The following ARSH variants were observed in gnomAD, a reference collection of about 807,000 sequenced individuals.
The protein encoded by ARSH is arylsulfatase family member H.
A neutral mutation model predicts 28.7 loss-of-function variants in ARSH; 32 were observed. That is an observed-to-expected ratio of 1.11 (90% CI 0.84 to 1.50). ARSH has a LOEUF of 1.50. Ranked by LOEUF, ARSH falls within the 40% of genes most tolerant of loss-of-function variation. The pLI is 0.00. For missense variants in ARSH, 440 were observed against 452.4 expected (o/e 0.97, Z 0.25); for synonymous variants, 176 against 177.3 (o/e 0.99, Z 0.06).
At chrX:3,018,898 CT>C (rs2089873382) in intron 5 of ARSH, among the ~76,000 whole-genome samples, 2 of 111,933 alleles carry the variant, frequency 1.8e-5, no homozygotes, top group South Asian at 7.4e-4. Context: ...GTTTTCCCAT[CT>C]TTAAAATAAA....
intron 4 of ARSH, 94 bp downstream of exon 4, chrX:3,015,487 G>A (rs2089863698): frequency 1.1e-6 from 1 of 891,713 alleles, no homozygotes; most frequent in Non-Finnish European, 1.5e-6. Context: ...GCCTTTAAAA[G>A]TCTCTTGGAG....
intron 1 of ARSH, among the ~76,000 whole-genome samples, chrX:3,008,935 T>C (rs538626754): frequency 1.4e-3 from 158 of 110,895 alleles, no homozygotes; most frequent in Admixed American, 2.4e-3. Context: ...GGATCAAGAT[T>C]GGATATGGTT....
intron 7 of ARSH, 23 bp from the exon 8 acceptor site, chrX:3,029,224 T>TAC (rs772760562): frequency 5.7e-5 from 69 of 1,201,187 alleles, no homozygotes; most frequent in African/African-American, 4.9e-4. Context: ...CATCACCTTC[T>TAC]ACACACCCCC....
chrX:3,022,728 CATTA>C (rs926078709), intron 5 of ARSH, among the ~76,000 whole-genome samples: 9 of 111,693 alleles, frequency 8.1e-5, no homozygotes. Flanking sequence ...TCTAGCGCAG[CATTA>C]ATTGTCATTA....
intron 2 of ARSH, among the ~76,000 whole-genome samples, chrX:3,012,581 A>AT (rs1555914102): frequency 4.8e-5 from 1 of 21,049 alleles, no homozygotes; most frequent in Non-Finnish European, 8.2e-5. Flanking sequence ...ATATATATAT[A>AT]TATATATATA....
intron 7 of ARSH, 119 bp from the exon 8 acceptor site, chrX:3,029,128 C>G: frequency 2.6e-6 from 2 of 782,948 alleles, no homozygotes; most frequent in Non-Finnish European, 3.5e-6. Flanking sequence ...CTTTCGCCTC[C>G]TTCTCTTCCT....
At chrX:3,009,979 G>A (rs2089841747) in intron 1 of ARSH, 51 bp from the exon 2 acceptor site, 2 of 1,186,589 alleles carry the variant, frequency 1.7e-6, no homozygotes, top group African/African-American at 1.8e-5. Context: ...CTTGATCATT[G>A]TATTGAGAAT....
intron 8 of ARSH, among the ~76,000 whole-genome samples, chrX:3,031,310 C>T (rs758748769): frequency 3.6e-5 from 4 of 111,762 alleles, no homozygotes; most frequent in East Asian, 2.8e-4. Flanking sequence ...ATTCTAGCAA[C>T]GAGGAGTAAA....
chrX:3,021,213 G>C (rs1009860435), intron 5 of ARSH, among the ~76,000 whole-genome samples: 10 of 110,245 alleles, frequency 9.1e-5, no homozygotes, highest in African/African-American at 3.3e-4. Flanking sequence ...CTTAGTCAAA[G>C]GACAGTTTCC....
chrX:3,010,287 C>T (rs1274965593), intron 2 of ARSH, 136 bp downstream of exon 2: 7 of 817,676 alleles, frequency 8.6e-6, no homozygotes, highest in Non-Finnish European at 1.2e-5. Flanking sequence ...TGGTTGTTAT[C>T]CCTGGGCAGC....
rs1264668563 is a variant in ARSH at position 3,010,167 on chromosome X, G to C, written c.214+16G>C. On this transcript the variant is annotated intron_variant, in intron 2 of 8. Transcript: ENST00000381130. Reference sequence around the variant, plus strand: ...ATCAGATCAGGTGAGGCAATAAAAAGGCAGCAACATTTCAGTCTCACCAGA... The same window carrying C: ...ATCAGATCAGGTGAGGCAATAAAAACGCAGCAACATTTCAGTCTCACCAGA... 3.3e-6 allele frequency: 4 copies of C among 1,203,621 alleles called. No individual in the cohort carries two copies. In the East Asian group the frequency reaches 8.9e-5, roughly 27 times the overall value.
Position 3,006,665 on chromosome X carries a change from G to A in ARSH, c.53G>A (p.Gly18Glu), listed in dbSNP as rs1223568114. Residue 18 changes from glycine to glutamate, a missense_variant, in exon 1 of 9, where the codon GGA becomes GAA. Transcript: ENST00000381130. Reference protein sequence around the residue: ...NIVLLMADDLGVGDLCCYGNN... With the variant: ...NIVLLMADDLEVGDLCCYGNN... ...GTCCTGCTGATGGCAGATGACCTTG[G>A]AGTGGGGGATTTGTGCTGCTACGGT... The A allele has an allele frequency of 8.3e-7, 1 of 1,211,330 alleles. No individual in the cohort carries two copies. The highest frequency in any genetic ancestry group is 1.1e-6 in the Non-Finnish European group (1 of 895,323).
In ARSH at chrX:3,033,001, T is replaced by G. The variant is rs777848373; in HGVS notation, c.1322-17T>G. On this transcript the variant is annotated splice_polypyrimidine_tract_variant and intron_variant, in intron 8 of 8. Transcript: ENST00000381130. ...ACCACAAAGATGGTATCATACATAA[T>G]GCAACTTGTTTTTTAGGTGCAACTG... The G allele has an allele frequency of 8.4e-7, 1 of 1,196,099 alleles. No individual in the cohort carries two copies. The highest frequency in any genetic ancestry group is 1.1e-6 in the Non-Finnish European group (1 of 887,123).
chrX:3,018,470 C>T, intron 4 of ARSH, 64 bp from the exon 5 acceptor site: 1 of 1,127,510 alleles, frequency 8.9e-7, no homozygotes, highest in Non-Finnish European at 1.2e-6. Context: ...TGCAGAATCG[C>T]ATTTAAATGA....
At chrX:3,030,672 C>T (rs982948030) in intron 8 of ARSH, among the ~76,000 whole-genome samples, 4 of 111,686 alleles carry the variant, frequency 3.6e-5, no homozygotes, top group African/African-American at 1.3e-4. Context: ...ACCATGGGAA[C>T]AGTATGGCAG....
At chrX:3,009,424 T>C (rs1408175039) in intron 1 of ARSH, among the ~76,000 whole-genome samples, 2 of 110,399 alleles carry the variant, frequency 1.8e-5, no homozygotes, top group Admixed American at 1.9e-4. Flanking sequence ...TGAGCTGGGA[T>C]CGCACCACTG....
chrX:3,030,874 GCA>G (rs2089912038), intron 8 of ARSH, among the ~76,000 whole-genome samples: 1 of 111,015 alleles, frequency 9.0e-6, no homozygotes, highest in East Asian at 2.8e-4. Context: ...TACTAGCCTG[GCA>G]CAGTGGCTCA....
In ARSH at chrX:3,010,133, C is replaced by A. The variant is rs148749736; in HGVS notation, c.196C>A (p.Arg66=). The A allele has an allele frequency of 8.3e-7, 1 of 1,209,317 alleles. No individual in the cohort carries two copies. The highest frequency in any genetic ancestry group is 1.7e-5 in the African/African-American group (1 of 57,177). ...AAGTCGGGCTGCCTTCCTGACCGGCCGGTACCCCATCAGATCAGGTGAGGC... is the reference window on the plus strand; with the variant it reads ...AAGTCGGGCTGCCTTCCTGACCGGCAGGTACCCCATCAGATCAGGTGAGGC... The part of the protein sequence containing the change: ...TPSRAAFLTG[R]YPIRSGMVSA... The change falls in exon 2 of 9, where the codon CGG becomes AGG. Residue 66 remains arginine, a synonymous_variant. Transcript: ENST00000381130.
rs752649661 is a variant in ARSH at position 3,033,578 on chromosome X, G to T, written c.*193G>T. 2.0e-4 allele frequency: 77 copies of T among 385,000 alleles called. No homozygotes were observed. The highest frequency in any genetic ancestry group is 3.1e-4 in the Non-Finnish European group (73 of 236,394). The allele number at this position is 385,000 out of a possible 1,213,427, so 31.7% of individuals were successfully genotyped here. Reference sequence around the variant, plus strand: ...CCCATATAACAGTGAACCTGGAGGGGAGCATTTGTTGTATAATTTTTTTCT... The same window carrying T: ...CCCATATAACAGTGAACCTGGAGGGTAGCATTTGTTGTATAATTTTTTTCT... On this transcript the variant is annotated 3_prime_UTR_variant, in exon 9 of 9. Transcript: ENST00000381130.
Sources: allele counts gnomAD v4.1 joint callset (sites outside exome capture counted in the v4.1 genomes callset), GRCh38; gene constraint gnomAD v4.1.1; transcripts MANE v1.5; gene names NCBI Gene and HGNC (gene_info 2026-07-23, HGNC 2026-07-21).